Variants in NT5E observed in about 807,000 individuals in gnomAD.
The protein encoded by NT5E is 5'-nucleotidase.
A neutral mutation model predicts 55.1 loss-of-function variants in NT5E; 53 were observed. That is an observed-to-expected ratio of 0.96 (90% CI 0.77 to 1.21). The LOEUF (loss-of-function observed/expected upper bound fraction) is 1.21, where lower values mean the gene tolerates loss of function less well. Ranked by LOEUF, NT5E falls within the 50% of genes most tolerant of loss-of-function variation. NT5E has a pLI of 0.00. For synonymous variants in NT5E, 270 were observed against 278.4 expected, an observed-to-expected ratio of 0.97 and a Z score of 0.30; for missense variants, 683 against 724.3, an observed-to-expected ratio of 0.94 and a Z score of 0.65.
intron 1 of NT5E, among the ~76,000 whole-genome samples, chr6:85,465,824 T>A (rs562265047): frequency 6.6e-6 from 1 of 152,292 alleles, no homozygotes; most frequent in East Asian, 1.9e-4. Flanking sequence ...CCTGCTAACA[T>A]GCCATTACAG....
intron 1 of NT5E, among the ~76,000 whole-genome samples, chr6:85,461,153 T>A (rs1269743365): frequency 6.6e-6 from 1 of 152,096 alleles, no homozygotes; most frequent in African/African-American, 2.4e-5. Context: ...AATGAACAAA[T>A]AAATAATTGG....
At chr6:85,476,986 G>A (rs1433724899) in intron 3 of NT5E, among the ~76,000 whole-genome samples, 2 of 152,118 alleles carry the variant, frequency 1.3e-5, no homozygotes, top group East Asian at 3.9e-4. Context: ...TGGGCCACGG[G>A]TCCAGGCTTG....
In NT5E at chr6:85,450,589, A is replaced by T; in HGVS notation, c.339+111A>T. 1.0e-6 allele frequency: 1 copy of T among 1,002,260 alleles called. No individual in the cohort carries two copies. Among genetic ancestry groups the T allele is most frequent in the South Asian group, 1.4e-5 (1 of 72,336 alleles). The allele number at this position is 1,002,260 out of a possible 1,614,324, so 62.1% of individuals were successfully genotyped here. A position where few individuals can be genotyped will look rare whatever the true frequency, so the allele number is the denominator to read the frequency against. ...AAGCCTAGGTCCAGGGCGCGGAGAG[A>T]TGTGGGGATAAAGTGAGACTCCGGC... On this transcript the variant is annotated intron_variant, in intron 1 of 8. Transcript: ENST00000257770. This position sits in a 1 kb window ranked among gnomAD's most constrained non-coding sequence, Gnocchi z 4.0.
Position 85,471,389 on chromosome 6 carries a change from G to A in NT5E, c.715G>A (p.Val239Met), listed in dbSNP as rs200840390. The A allele has an allele frequency of 1.4e-5, 23 of 1,612,928 alleles. No homozygotes were observed. Among genetic ancestry groups the A allele is most frequent in the East Asian group, 1.1e-4 (5 of 44,854 alleles). The change falls in exon 3 of 9, where the codon GTG (valine) becomes ATG (methionine). Residue 239 changes from valine to methionine, a missense_variant. Physicochemically the swap from Val to Met is conservative, Grantham distance 21 (BLOSUM62 1). Coordinates refer to ENST00000257770, the MANE Select transcript of NT5E (RefSeq NM_002526.4). ...TCAGAAAGTGAGGGGTGTGGACGTC[G>A]TGGTGGGAGGACACTCCAACACATT... is the stretch of plus-strand genomic sequence containing the variant. Reference protein sequence around the residue: ...IAQKVRGVDVVVGGHSNTFLY... With the variant: ...IAQKVRGVDVMVGGHSNTFLY...
intron 1 of NT5E, among the ~76,000 whole-genome samples, chr6:85,463,480 A>G (rs1275032864): frequency 6.6e-6 from 1 of 152,220 alleles, no homozygotes; most frequent in Admixed American, 6.5e-5. Flanking sequence ...TGGTTAAACA[A>G]TAAGTGGCAA....
intron 4 of NT5E, among the ~76,000 whole-genome samples, chr6:85,486,768 G>A (rs574411113): frequency 1.1e-4 from 17 of 152,296 alleles, no homozygotes; most frequent in African/African-American, 2.4e-4. Context: ...GTTTCAGGGC[G>A]TCTCCCTACA....
intron 3 of NT5E, among the ~76,000 whole-genome samples, chr6:85,477,024 C>A (rs1424428213): frequency 1.3e-5 from 2 of 152,154 alleles, no homozygotes; most frequent in East Asian, 3.9e-4. Context: ...AGGGACCCCA[C>A]CCTTTTCTAC....
chr6:85,452,026 C>G (rs1403728821), intron 1 of NT5E, among the ~76,000 whole-genome samples: 1 of 152,220 alleles, frequency 6.6e-6, no homozygotes, highest in Non-Finnish European at 1.5e-5. Context: ...GTGGGGCTCA[C>G]ACACATCTGG....
intron 5 of NT5E, among the ~76,000 whole-genome samples, chr6:85,488,356 C>T (rs1769709398): frequency 6.6e-6 from 1 of 152,054 alleles, no homozygotes; most frequent in East Asian, 1.9e-4. Context: ...AAATGTTTGC[C>T]GTGTAAATGA....
intron 6 of NT5E, 113 bp from the exon 7 acceptor site, chr6:85,490,395 A>C: frequency 8.0e-7 from 1 of 1,243,434 alleles, no homozygotes; most frequent in Non-Finnish European, 1.2e-6. Context: ...ATGATGCTCT[A>C]TAAGCTTCCC....
At chr6:85,489,052 C>A (rs1769728309) in intron 5 of NT5E, among the ~76,000 whole-genome samples, 2 of 152,308 alleles carry the variant, frequency 1.3e-5, no homozygotes, top group East Asian at 1.9e-4. Flanking sequence ...GAATCAGCTG[C>A]AGACATAGAC....
intron 3 of NT5E, among the ~76,000 whole-genome samples, chr6:85,476,829 GCTT>G (rs1769447152): frequency 6.6e-6 from 1 of 152,102 alleles, no homozygotes; most frequent in South Asian, 2.1e-4. Flanking sequence ...CCAGTGTCAA[GCTT>G]CTTCTCTTCT....
At chr6:85,483,063 T>A (rs1453873737) in intron 3 of NT5E, among the ~76,000 whole-genome samples, 1 of 152,242 alleles carries the variant, frequency 6.6e-6, no homozygotes, top group African/African-American at 2.4e-5. Context: ...GGCTCCTATT[T>A]GCATAGTAGT....
At position 85,494,791 on chromosome 6, in the gene NT5E, A is replaced by G. The variant is rs904573487; in HGVS notation, c.*787A>G. On this transcript the variant is annotated 3_prime_UTR_variant, in exon 9 of 9. Coordinates refer to ENST00000257770, the MANE Select transcript of NT5E (RefSeq NM_002526.4). ...ATAATGAGAAAGGCCAGAGGCTGCA[A>G]AAGACAGTCAAAGGACACGAGAGAA... 1 of 152,324 alleles carries G rather than the reference A, an allele frequency of 6.6e-6. No homozygotes were observed. The highest frequency in any genetic ancestry group is 1.5e-5 in the Non-Finnish European group (1 of 68,092). The allele number at this position is 152,324 out of a possible 1,614,324, so 9.4% of individuals were successfully genotyped here.
intron 1 of NT5E, among the ~76,000 whole-genome samples, chr6:85,454,865 T>C (rs377070387): frequency 2.8e-4 from 42 of 152,296 alleles, no homozygotes; most frequent in African/African-American, 8.9e-4. Context: ...ATCTATAAAA[T>C]AGAAGTTTGA....
chr6:85,454,045 T>C (rs980879554), intron 1 of NT5E, among the ~76,000 whole-genome samples: 1 of 152,224 alleles, frequency 6.6e-6, no homozygotes, highest in Non-Finnish European at 1.5e-5. Context: ...GATGCCCTTA[T>C]ACCTATACAT....
rs754938307 is a variant in NT5E, at chr6:85,487,403, G to A, written c.1018G>A (p.Gly340Arg). ...GGATAATTATTCTACCCAGGAATTA[G>A]GGAAAACAATTGTCTATCTGGATGG... ...KLDNYSTQEL[G>R]KTIVYLDGSS... Residue 340 changes from glycine (G) to arginine (R), a missense_variant, in exon 5 of 9, where the codon GGG becomes AGG. Transcript: ENST00000257770. 2 of 1,613,884 alleles carry A rather than the reference G, an allele frequency of 1.2e-6. No individual in the cohort carries two copies. Among genetic ancestry groups the A allele is most frequent in the Non-Finnish European group, 1.7e-6 (2 of 1,179,896 alleles).
chr6:85,482,575 C>A (rs1047854831), intron 3 of NT5E, among the ~76,000 whole-genome samples: 1 of 152,152 alleles, frequency 6.6e-6, no homozygotes, highest in African/African-American at 2.4e-5. Flanking sequence ...GCACCCACAC[C>A]ATGCTGGAAA....
chr6:85,490,604 A>G lies in NT5E; in HGVS notation c.1307A>G (p.Glu436Gly). The change falls in exon 7 of 9, where the codon GAG becomes GGG. Residue 436 changes from glutamate to glycine, a missense_variant. Transcript: ENST00000257770. ...GGTTCCACCCTGAAGAAGGCCTTTG[A>G]GCATAGCGTGCACCGCTACGGCCAG... ...LKGSTLKKAF[E>G]HSVHRYGQST... The G allele has an allele frequency of 6.2e-7, 1 of 1,614,164 alleles. No individual in the cohort carries two copies. Among genetic ancestry groups the G allele is most frequent in the Non-Finnish European group, 8.5e-7 (1 of 1,180,004 alleles).
Sources: gnomAD v4.1 joint callset for allele counts (sites outside exome capture counted in the v4.1 genomes callset) on GRCh38, gnomAD v4.1.1 for gene constraint, Gnocchi (gnomAD v3.1) non-coding constraint, MANE v1.5 for transcripts, NCBI Gene and HGNC (gene_info 2026-07-23, HGNC 2026-07-21) for gene names.